CHRNB4: variants seen among roughly 807,000 people sequenced by gnomAD.
CHRNB4 encodes neuronal acetylcholine receptor subunit beta-4.
Under a neutral mutation model 40.4 loss-of-function variants are expected in CHRNB4, and 23 were observed. The ratio of observed to expected loss-of-function variants is 0.57; its 90% CI spans 0.41 to 0.81. CHRNB4 has a LOEUF of 0.81. Among genes scored for constraint, CHRNB4 ranks in the 30% least tolerant of loss-of-function variants. The pLI is 0.00. For missense variants in CHRNB4, 568 were observed against 670.6 expected (o/e 0.85, Z 1.69); for synonymous variants, 285 against 274.4 (o/e 1.04, Z -0.38).
intron 3 of CHRNB4, among the ~76,000 whole-genome samples, chr15:78,657,033 T>G (rs2054219851): frequency 7.0e-6 from 1 of 142,460 alleles, no homozygotes; most frequent in South Asian, 2.6e-4. Context: ...TTTTCTTTTC[T>G]TCTTTTTTTT....
At chr15:78,654,657 A>G (rs1489516764) in intron 5 of CHRNB4, among the ~76,000 whole-genome samples, 1 of 152,234 alleles carries the variant, frequency 6.6e-6, no homozygotes, top group Non-Finnish European at 1.5e-5. Context: ...AGTCCAGATC[A>G]TCCCTATACT....
At chr15:78,641,496 T>C (rs531754115), upstream of CHRNB4, among the ~76,000 whole-genome samples, 6 of 152,318 alleles carry the variant, frequency 3.9e-5, no homozygotes, top group African/African-American at 1.4e-4. Flanking sequence ...CCCTCTACTG[T>C]TGGGGAAAGA....
At chr15:78,653,834 T>C (rs1396199439) in intron 5 of CHRNB4, among the ~76,000 whole-genome samples, 2 of 152,144 alleles carry the variant, frequency 1.3e-5, no homozygotes, top group Non-Finnish European at 2.9e-5. Flanking sequence ...TCCAGCTACC[T>C]CCTCCTCTTA....
chr15:78,628,941 TG>T, intron 5 of CHRNB4, 25 bp downstream of exon 5: 1 of 1,588,302 alleles, frequency 6.3e-7, no homozygotes. Flanking sequence ...GTTGGGCAGG[TG>T]GGCAGGGGCT....
At chr15:78,653,385 C>T (rs1018021484) in intron 5 of CHRNB4, among the ~76,000 whole-genome samples, 4 of 152,176 alleles carry the variant, frequency 2.6e-5, no homozygotes, top group Non-Finnish European at 5.9e-5. Context: ...CTTGGAAAAG[C>T]CGGCCCTGAT....
At chr15:78,657,933 T>A (rs2054227146) in intron 2 of CHRNB4, among the ~76,000 whole-genome samples, 1 of 151,832 alleles carries the variant, frequency 6.6e-6, no homozygotes, top group Admixed American at 6.6e-5. Context: ...GGGACCTCAC[T>A]GAGACCACAG....
intron 1 of CHRNB4, among the ~76,000 whole-genome samples, chr15:78,640,294 G>A (rs1466273878): frequency 6.6e-6 from 1 of 152,186 alleles, no homozygotes. Flanking sequence ...TGGAATTCAG[G>A]TGGGGAAACT....
upstream of CHRNB4, chr15:78,660,818 G>A: frequency 3.3e-6 from 1 of 304,774 alleles, no homozygotes; most frequent in South Asian, 3.4e-5. Flanking sequence ...AGAGAGGCGG[G>A]GCTAGGGTGG....
In CHRNB4 at chr15:78,635,600, ACAGT is replaced by A; in HGVS notation, c.56-17_56-14del. ...ACGCGGCAGTTCCCTGAGAAAACAC[ACAGT>A]CAGACCTGCTGGGCCCTTGTGCACC... On this transcript the variant is annotated splice_polypyrimidine_tract_variant and intron_variant, in intron 1 of 5. Coordinates refer to ENST00000261751, the MANE Select transcript of CHRNB4 (RefSeq NM_000750.5). 4 of 1,613,862 alleles carry A rather than the reference ACAGT, an allele frequency of 2.5e-6. No individual in the cohort carries two copies. Among genetic ancestry groups the A allele is most frequent in the Non-Finnish European group, 3.4e-6 (4 of 1,179,818 alleles).
At chr15:78,641,984 T>C (rs1278839068), upstream of CHRNB4, among the ~76,000 whole-genome samples, 2 of 152,218 alleles carry the variant, frequency 1.3e-5, no homozygotes, top group Non-Finnish European at 2.9e-5. Context: ...CTCTGGCAGC[T>C]TCTCCAACTC....
intron 1 of CHRNB4, among the ~76,000 whole-genome samples, chr15:78,639,628 T>G (rs999775107): frequency 6.6e-6 from 1 of 152,210 alleles, no homozygotes; most frequent in African/African-American, 2.4e-5. Flanking sequence ...AGAATTTATC[T>G]TTTATAAAGA....
chr15:78,641,761 T>C (rs1486209861), upstream of CHRNB4, among the ~76,000 whole-genome samples: 1 of 151,950 alleles, frequency 6.6e-6, no homozygotes, highest in Non-Finnish European at 1.5e-5. Flanking sequence ...AGGAGCAGAG[T>C]TAAAAGGGAA....
intron 5 of CHRNB4, chr15:78,627,812 C>T (rs1306911083): frequency 6.6e-6 from 1 of 152,034 alleles, no homozygotes; most frequent in Non-Finnish European, 1.5e-5. Flanking sequence ...TGTGAAATAC[C>T]CAGACTCCAG....
At chr15:78,644,228 G>A (rs746637867), upstream of CHRNB4, among the ~76,000 whole-genome samples, 8 of 151,316 alleles carry the variant, frequency 5.3e-5, no homozygotes, top group East Asian at 1.9e-4. Flanking sequence ...CAAAATATAC[G>A]TAAGGCCTTT....
At position 78,629,650 on chromosome 15, in the gene CHRNB4, A is replaced by T; in HGVS notation, c.655T>A (p.Tyr219Asn). The change falls in exon 5 of 6, where the codon TAC becomes AAC. Residue 219 changes from tyrosine to asparagine, a missense_variant. Physicochemically the swap from Tyr to Asn is moderately radical, Grantham distance 143. Coordinates refer to ENST00000261751, the MANE Select transcript of CHRNB4 (RefSeq NM_000750.5). The surrounding 1 kb of genome is among the most constrained non-coding windows in gnomAD (Gnocchi z 6.8). ...RRTVNPQDPS[Y>N]VDVTYDFIIK... Reference sequence around the variant, plus strand: ...ATGAAGTCGTAAGTCACGTCCACGTAGCTGGGGTCTTGTGGGTTCACTGTC... The same window carrying T: ...ATGAAGTCGTAAGTCACGTCCACGTTGCTGGGGTCTTGTGGGTTCACTGTC... 6.2e-7 allele frequency: 1 copy of T among 1,614,144 alleles called. No individual in the cohort carries two copies. The highest frequency in any genetic ancestry group is 1.1e-5 in the South Asian group (1 of 91,080).
chr15:78,631,187 T>C lies in CHRNB4; in HGVS notation c.250-2A>G. ...GGTCAGGCGGTAATCAGTCCATTCC[T>C]GGACAGACAGGCAAGGCCCTGTCAC... On this transcript the variant is annotated splice_acceptor_variant, in intron 3 of 5. Coordinates refer to ENST00000261751, the MANE Select transcript of CHRNB4 (RefSeq NM_000750.5). LOFTEE classifies it high-confidence loss of function. 1 of 1,614,142 alleles carries C rather than the reference T, an allele frequency of 6.2e-7. No homozygotes were observed. Among genetic ancestry groups the C allele is most frequent in the Non-Finnish European group, 8.5e-7 (1 of 1,179,964 alleles).
chr15:78,633,429 A>G (rs1003179270), intron 2 of CHRNB4, among the ~76,000 whole-genome samples: 3 of 152,190 alleles, frequency 2.0e-5, no homozygotes, highest in Non-Finnish European at 2.9e-5. Context: ...TGTGGCCCTC[A>G]TAAGAATGGA....
chr15:78,659,061 T>C (rs2054233847), intron 1 of CHRNB4, among the ~76,000 whole-genome samples: 1 of 152,184 alleles, frequency 6.6e-6, no homozygotes, highest in Non-Finnish European at 1.5e-5. Context: ...GATACAGTAG[T>C]GGACAAAACA....
intron 1 of CHRNB4, 93 bp from the exon 2 acceptor site, chr15:78,635,680 G>T (rs142966768): frequency 3.9e-6 from 6 of 1,553,046 alleles, no homozygotes; most frequent in Non-Finnish European, 3.5e-6. Flanking sequence ...GGGAGCACAG[G>T]TGCCCTTAGG....
Sources: allele counts gnomAD v4.1 joint callset (sites outside exome capture counted in the v4.1 genomes callset), GRCh38; gene constraint gnomAD v4.1.1; non-coding constraint Gnocchi (gnomAD v3.1); transcripts MANE v1.5; gene names NCBI Gene and HGNC (gene_info 2026-07-23, HGNC 2026-07-21).